The following KMT2C variants were observed in gnomAD, a reference collection of about 807,000 sequenced individuals.
KMT2C encodes histone-lysine N-methyltransferase 2C.
KMT2C carries 88 observed loss-of-function variants against 507.9 expected under a neutral mutation model. The observed-to-expected ratio is 0.17, with a 90% confidence interval of 0.15 to 0.21. The LOEUF is 0.21. Ranked by LOEUF, KMT2C falls within the 10% of genes least tolerant of loss-of-function variation. KMT2C has a pLI of 1.00. For synonymous variants in KMT2C, 2,049 were observed against 2,080.8 expected, an observed-to-expected ratio of 0.98 and a Z score of 0.42; for missense variants, 4,954 against 5,957.8, an observed-to-expected ratio of 0.83 and a Z score of 5.55.
At chr7:152,172,105 G>A (rs1362616923) in intron 39 of KMT2C, among the ~76,000 whole-genome samples, 1 of 152,124 alleles carries the variant, frequency 6.6e-6, no homozygotes, top group Non-Finnish European at 1.5e-5. Context: ...AGTACTATTA[G>A]GATATAGAAT....
At chr7:152,152,561 A>G in intron 49 of KMT2C, 144 bp downstream of exon 49, 1 of 967,834 alleles carries the variant, frequency 1.0e-6, no homozygotes, top group Non-Finnish European at 1.6e-6. Context: ...AGAAAACAGA[A>G]CACCCACACA....
At chr7:152,240,597 A>C (rs2095364944) in intron 14 of KMT2C, among the ~76,000 whole-genome samples, 1 of 152,274 alleles carries the variant, frequency 6.6e-6, no homozygotes, top group East Asian at 1.9e-4. Flanking sequence ...ATTTTCTCAC[A>C]CAAAACCCCT....
intron 10 of KMT2C, 51 bp downstream of exon 10, chr7:152,252,495 C>T (rs1173284425): frequency 7.5e-6 from 11 of 1,469,044 alleles, no homozygotes; most frequent in Non-Finnish European, 9.4e-6. Context: ...CAAATGACCA[C>T]ATGAATAAAA....
At chr7:152,224,242 T>C in intron 19 of KMT2C, 63 bp from the exon 20 acceptor site, 1 of 1,504,520 alleles carries the variant, frequency 6.6e-7, no homozygotes, top group Non-Finnish European at 9.1e-7. Flanking sequence ...GTTACTGTAA[T>C]TCAGGAAGCT....
At position 152,155,241 on chromosome 7, in the gene KMT2C, G is replaced by A. The variant is rs533578661; in HGVS notation, c.11960+669C>T. Among the ~76,000 whole-genome samples the A allele has an allele frequency of 4.6e-5, 7 of 152,206 alleles. No individual in the cohort carries two copies. In the South Asian group the frequency reaches 6.2e-4, roughly 14 times the overall value. On this transcript the variant is annotated intron_variant, in intron 46 of 58. Coordinates refer to ENST00000262189, the MANE Select transcript of KMT2C (RefSeq NM_170606.3). ...ATTGGGACAGATTATTCTCCACTTC[G>A]GTCCAAAGTTTCCCCATTAATAAAG...
intron 1 of KMT2C, among the ~76,000 whole-genome samples, chr7:152,414,850 CTTTT>C (rs375210399): frequency 6.4e-5 from 9 of 140,146 alleles, no homozygotes; most frequent in Admixed American, 4.3e-4. Context: ...TACTTTCTTT[CTTTT>C]TTTTTTTCTT....
intron 1 of KMT2C, among the ~76,000 whole-genome samples, chr7:152,376,425 G>GTACC (rs1315852962): frequency 6.6e-6 from 1 of 152,166 alleles, no homozygotes; most frequent in African/African-American, 2.4e-5. Flanking sequence ...TAGACCTCTT[G>GTACC]TACCACTCAG....
At chr7:152,229,161 A>C (rs1446247275) in intron 18 of KMT2C, among the ~76,000 whole-genome samples, 10 of 152,206 alleles carry the variant, frequency 6.6e-5, no homozygotes, top group Non-Finnish European at 1.3e-4. Flanking sequence ...GTTAGTATTT[A>C]TATTACATGG....
In KMT2C at chr7:152,154,131, C is replaced by A. The variant is rs951610702; in HGVS notation, c.12155G>T (p.Arg4052Met). 1 of 1,613,992 alleles carries A rather than the reference C, an allele frequency of 6.2e-7. No homozygotes were observed. Among genetic ancestry groups the A allele is most frequent in the Admixed American group, 1.7e-5 (1 of 60,000 alleles). ...GCCTGGCTCAGTTTTGATGTCATTCCTTCTTGATTCTGAACCTTTAAAAAG... is the reference window on the plus strand; with the variant it reads ...GCCTGGCTCAGTTTTGATGTCATTCATTCTTGATTCTGAACCTTTAAAAAG... ...STAGKSSESRRNDIKTEPGTL... is the reference protein window; with the variant it reads ...STAGKSSESRMNDIKTEPGTL... The change falls in exon 48 of 59, where the codon AGG (arginine) becomes ATG (methionine). Residue 4052 changes from arginine to methionine, a missense_variant. Physicochemically the swap from Arg to Met is moderately conservative, Grantham distance 91. Coordinates refer to ENST00000262189, the MANE Select transcript of KMT2C (RefSeq NM_170606.3).
In KMT2C at chr7:152,435,795, C is replaced by G; in HGVS notation, c.-9G>C. 2 of 1,385,996 alleles carry G rather than the reference C, an allele frequency of 1.4e-6. No individual in the cohort carries two copies. The highest frequency in any genetic ancestry group is 1.9e-6 in the Non-Finnish European group (2 of 1,063,494). The allele number at this position is 1,385,996 out of a possible 1,614,324, so 85.9% of individuals were successfully genotyped here. A position where few individuals can be genotyped will look rare whatever the true frequency, so the allele number is the denominator to read the frequency against. On this transcript the variant is annotated 5_prime_UTR_variant, in exon 1 of 59. Transcript: ENST00000262189. ...TCCTCCTCCGACGACATCCTAGTCACCAGGAAAGACACATGGATCCCGGTC... is the reference window on the plus strand; with the variant it reads ...TCCTCCTCCGACGACATCCTAGTCAGCAGGAAAGACACATGGATCCCGGTC...
chr7:152,167,494 G>A, intron 41 of KMT2C, 116 bp from the exon 42 acceptor site: 1 of 637,784 alleles, frequency 1.6e-6, no homozygotes, highest in Non-Finnish European at 2.7e-6. Context: ...TAGGAAATTT[G>A]AAAACACAAT....
chr7:152,396,504 T>C (rs890685716), intron 1 of KMT2C, among the ~76,000 whole-genome samples: 1 of 152,188 alleles, frequency 6.6e-6, no homozygotes, highest in Non-Finnish European at 1.5e-5. Flanking sequence ...ATAATTATTA[T>C]GAAAGGCTCC....
At chr7:152,196,081 TAGAGTACAGC>T in intron 27 of KMT2C, 70 bp from the exon 28 acceptor site, 1 of 840,276 alleles carries the variant, frequency 1.2e-6, no homozygotes, top group Non-Finnish European at 1.8e-6. Context: ...GCTAAAAACC[TAGAGTACAGC>T]AGATACTGAG....
At chr7:152,215,268 C>T (rs1363331475) in intron 23 of KMT2C, among the ~76,000 whole-genome samples, 1 of 151,938 alleles carries the variant, frequency 6.6e-6, no homozygotes, top group African/African-American at 2.4e-5. Flanking sequence ...AATCCCAGCA[C>T]TTTGGGAGGC....
chr7:152,242,158 C>T (rs1340763390), intron 14 of KMT2C, among the ~76,000 whole-genome samples: 4 of 152,300 alleles, frequency 2.6e-5, no homozygotes, highest in East Asian at 3.9e-4. Context: ...TCTTCCCCTA[C>T]AATCCAGTTG....
At chr7:152,256,554 G>A (rs140759740) in intron 9 of KMT2C, among the ~76,000 whole-genome samples, 178 of 152,090 alleles carry the variant, frequency 1.2e-3, no homozygotes, top group South Asian at 3.7e-3. Flanking sequence ...GTGAGACACT[G>A]TCTCACACAA....
intron 1 of KMT2C, among the ~76,000 whole-genome samples, chr7:152,393,943 G>T (rs2097521295): frequency 6.6e-6 from 1 of 150,616 alleles, no homozygotes; most frequent in Non-Finnish European, 1.5e-5. Flanking sequence ...TTCCAGGAAA[G>T]GTTTTTAATT....
chr7:152,361,887 C>T (rs966870410), intron 1 of KMT2C, among the ~76,000 whole-genome samples: 1 of 152,090 alleles, frequency 6.6e-6, no homozygotes, highest in African/African-American at 2.4e-5. Flanking sequence ...ATCCCACTGT[C>T]GGAAACTGAT....
chr7:152,255,118 T>C (rs542727233), intron 9 of KMT2C, among the ~76,000 whole-genome samples: 2 of 97,710 alleles, frequency 2.0e-5, no homozygotes, highest in South Asian at 6.4e-4. Flanking sequence ...CTTATATATA[T>C]ATATATATAT....
Sources: gnomAD v4.1 joint callset for allele counts (sites outside exome capture counted in the v4.1 genomes callset) on GRCh38, gnomAD v4.1.1 for gene constraint, MANE v1.5 for transcripts, NCBI Gene and HGNC (gene_info 2026-07-23, HGNC 2026-07-21) for gene names.